ADGRL3: variants seen among roughly 807,000 people sequenced by gnomAD.
The protein encoded by ADGRL3 is calcium-independent alpha-latrotoxin receptor 3.
A neutral mutation model predicts 153.5 loss-of-function variants in ADGRL3; 62 were observed. The observed-to-expected ratio is 0.40, with a 90% CI of 0.33 to 0.50. The LOEUF is 0.50. Ranked by LOEUF, ADGRL3 falls within the 20% of genes least tolerant of loss-of-function variation. ADGRL3 has a pLI of 0.47. For missense variants in ADGRL3, 1,641 were observed against 1,859.4 expected, an observed-to-expected ratio of 0.88 and a Z score of 2.16; for synonymous variants, 710 against 672.5, an observed-to-expected ratio of 1.06 and a Z score of -0.86.
chr4:61,692,628 A>C (rs1580309969), intron 6 of ADGRL3, among the ~76,000 whole-genome samples: 1 of 151,836 alleles, frequency 6.6e-6, no homozygotes, highest in South Asian at 2.1e-4. Flanking sequence ...ATTTGTAGTA[A>C]AGATGGAGTT....
chr4:61,378,315 GC>G (rs1435735238), intron 1 of ADGRL3, among the ~76,000 whole-genome samples: 2 of 151,914 alleles, frequency 1.3e-5, no homozygotes, highest in African/African-American at 4.8e-5. Flanking sequence ...GAGACCATTT[GC>G]CAGCCTACTC....
At chr4:62,018,119 T>A (rs2099221683) in intron 21 of ADGRL3, among the ~76,000 whole-genome samples, 1 of 152,046 alleles carries the variant, frequency 6.6e-6, no homozygotes, top group African/African-American at 2.4e-5. Context: ...TGCACGGAGG[T>A]CATAAAATAT....
At chr4:61,814,714 C>T (rs967942549) in intron 9 of ADGRL3, among the ~76,000 whole-genome samples, 1 of 152,120 alleles carries the variant, frequency 6.6e-6, no homozygotes, top group Non-Finnish European at 1.5e-5. Flanking sequence ...ATTTCCTCTC[C>T]TGGGAGTCTC....
At chr4:61,565,221 T>C (rs1191561784) in intron 4 of ADGRL3, among the ~76,000 whole-genome samples, 2 of 152,162 alleles carry the variant, frequency 1.3e-5, no homozygotes, top group African/African-American at 2.4e-5. Context: ...CCAGTGTATG[T>C]ATATACACAC....
intron 1 of ADGRL3, among the ~76,000 whole-genome samples, chr4:61,311,911 A>G (rs1018350777): frequency 3.9e-5 from 6 of 152,174 alleles, no homozygotes; most frequent in Non-Finnish European, 8.8e-5. Flanking sequence ...GGATGTGTCA[A>G]TGCAGGTATA....
In ADGRL3 at chr4:61,369,240, G is replaced by A. The variant is rs533780245; in HGVS notation, c.-239-13884G>A. ...CTTTATTTCTTTCTCCTGCCTAATTGCCCTGGCCAGAACTTCCAACACTAT... is the reference window on the plus strand; with the variant it reads ...CTTTATTTCTTTCTCCTGCCTAATTACCCTGGCCAGAACTTCCAACACTAT... On this transcript the variant is annotated intron_variant, in intron 1 of 26. Transcript: ENST00000683033. Among the ~76,000 whole-genome samples the A allele has an allele frequency of 2.6e-5, 4 of 152,174 alleles. No homozygotes were observed. In the East Asian group the frequency reaches 5.8e-4, roughly 22 times the overall value.
chr4:61,801,710 A>G (rs2097499714), intron 8 of ADGRL3, among the ~76,000 whole-genome samples: 1 of 152,172 alleles, frequency 6.6e-6, no homozygotes. Flanking sequence ...CCAGCATTCC[A>G]TAATATAACT....
chr4:61,261,325 C>A (rs7673011), intron 1 of ADGRL3, among the ~76,000 whole-genome samples: 12 of 151,936 alleles, frequency 7.9e-5, no homozygotes, highest in African/African-American at 2.9e-4. Context: ...AACCATTGCA[C>A]CTTGCCCTCC....
intron 25 of ADGRL3, among the ~76,000 whole-genome samples, chr4:62,057,748 A>G (rs114339362): frequency 0.028 from 4,262 of 152,144 alleles, 211 homozygotes; most frequent in African/African-American, 0.099. Flanking sequence ...TGTGATCTCA[A>G]CTAACTGCAA....
At chr4:61,963,945 G>T (rs2098997314) in intron 17 of ADGRL3, among the ~76,000 whole-genome samples, 1 of 152,070 alleles carries the variant, frequency 6.6e-6, no homozygotes, top group Non-Finnish European at 1.5e-5. Context: ...CTCTCAGAAG[G>T]GCCCAGAGTG....
At chr4:61,857,255 G>A (rs545485389) in intron 9 of ADGRL3, among the ~76,000 whole-genome samples, 96 of 151,942 alleles carry the variant, frequency 6.3e-4, no homozygotes, top group African/African-American at 2.2e-3. Flanking sequence ...TAATCATGCT[G>A]GGAGTAGAGT....
At chr4:61,899,253 C>T (rs1661345643) in intron 11 of ADGRL3, among the ~76,000 whole-genome samples, 1 of 152,072 alleles carries the variant, frequency 6.6e-6, no homozygotes, top group Admixed American at 6.6e-5. Flanking sequence ...CCTTCTCTTT[C>T]CTTTGCCCTT....
At chr4:61,364,001 A>G (rs1020602639) in intron 1 of ADGRL3, among the ~76,000 whole-genome samples, 1 of 152,030 alleles carries the variant, frequency 6.6e-6, no homozygotes, top group Non-Finnish European at 1.5e-5. Context: ...GTCAAATAAT[A>G]AATAATATAT....
Position 61,404,511 on chromosome 4 carries a change from C to T in ADGRL3, c.-174+21322C>T, listed in dbSNP as rs1248735448. On this transcript the variant is annotated intron_variant, in intron 2 of 26. Coordinates refer to ENST00000683033, the MANE Select transcript of ADGRL3 (RefSeq NM_001387552.1). ...ACTTGGTTGAACTTCAAACGGTTTA[C>T]CTGAAAAAGCATAGAATCATGTCAT... Among the ~76,000 whole-genome samples the T allele has an allele frequency of 2.6e-5, 4 of 151,988 alleles. No homozygotes were observed. The South Asian group carries it at 8.3e-4, about 32-fold the overall frequency.
intron 25 of ADGRL3, among the ~76,000 whole-genome samples, chr4:62,057,606 C>T (rs1256077108): frequency 6.6e-6 from 1 of 152,162 alleles, no homozygotes; most frequent in East Asian, 1.9e-4. Context: ...TCACTTTCAT[C>T]AGAAATAAAA....
chr4:61,388,027 C>T (rs1338463843), intron 2 of ADGRL3, among the ~76,000 whole-genome samples: 1 of 152,108 alleles, frequency 6.6e-6, no homozygotes, highest in South Asian at 2.1e-4. Flanking sequence ...TTCAGCGGGT[C>T]CCTCCATTTG....
chr4:61,969,775 C>T (rs1397544), intron 17 of ADGRL3, among the ~76,000 whole-genome samples: 51,850 of 151,872 alleles, frequency 0.34, 9,640 homozygotes, highest in East Asian at 0.62. Context: ...CAGATCTTGA[C>T]TACCAACATC....
intron 21 of ADGRL3, among the ~76,000 whole-genome samples, chr4:62,013,510 C>A (rs143213527): frequency 0.017 from 2,517 of 151,284 alleles, 72 homozygotes; most frequent in African/African-American, 0.056. Flanking sequence ...CTGTTGCACT[C>A]CAGCCCGGGC....
chr4:61,716,336 T>C (rs976123146), intron 6 of ADGRL3, among the ~76,000 whole-genome samples: 3 of 152,092 alleles, frequency 2.0e-5, no homozygotes, highest in African/African-American at 7.2e-5. Flanking sequence ...TCTATTCAAC[T>C]GCCATTTATT....
Sources: gnomAD v4.1 joint callset for allele counts (sites outside exome capture counted in the v4.1 genomes callset) on GRCh38, gnomAD v4.1.1 for gene constraint, MANE v1.5 for transcripts, NCBI Gene and HGNC (gene_info 2026-07-23, HGNC 2026-07-21) for gene names.